The following ARHGEF25 variants were observed in gnomAD, a reference collection of about 807,000 sequenced individuals.
The protein encoded by ARHGEF25 is RAC/CDC42 exchange factor.
A neutral mutation model predicts 74.0 loss-of-function variants in ARHGEF25; 42 were observed. That is an observed-to-expected ratio of 0.57 (90% CI 0.44 to 0.73). The LOEUF is 0.73. Ranked by LOEUF, ARHGEF25 falls within the 30% of genes least tolerant of loss-of-function variation. ARHGEF25 has a pLI of 0.00. For synonymous variants in ARHGEF25, 293 were observed against 278.6 expected, an observed-to-expected ratio of 1.05 and a Z score of -0.51; for missense variants, 645 against 725.5, an observed-to-expected ratio of 0.89 and a Z score of 1.27.
Position 57,613,471 on chromosome 12 carries a change from C to G in ARHGEF25, c.440C>G (p.Pro147Arg). Residue 147 changes from proline to arginine, a missense_variant, in exon 4 of 15, where the codon CCT becomes CGT. Physicochemically the swap from Pro to Arg is moderately radical, Grantham distance 103. Transcript: ENST00000286494. Reference sequence around the variant, plus strand: ...GAAGAGGAGACTTTGTCCCAAGCCCCTGAGAGTGAGGAGGAACAGAAGAAG... The same window carrying G: ...GAAGAGGAGACTTTGTCCCAAGCCCGTGAGAGTGAGGAGGAACAGAAGAAG... Reference protein sequence around the residue: ...PPEEETLSQAPESEEEQKKKA... With the variant: ...PPEEETLSQARESEEEQKKKA... 5 of 1,614,214 alleles carry G rather than the reference C, an allele frequency of 3.1e-6. No individual in the cohort carries two copies. The highest frequency in any genetic ancestry group is 3.4e-6 in the Non-Finnish European group (4 of 1,180,044).
rs1354209303 is a variant in ARHGEF25 at position 57,616,788 on chromosome 12, T to G, written c.1637T>G (p.Leu546Arg). ...TGACTTGAATCTTTTCTTCAGGCCC[T>G]TGGTGACATCCCCCAGGCTCCCCAT... The part of the protein sequence containing the change: ...RALLPLDKQA[L>R]GDIPQAPHDS... The change falls in exon 15 of 15, where the codon CTT (leucine) becomes CGT (arginine). Residue 546 changes from leucine (L) to arginine (R), a missense_variant. Coordinates refer to ENST00000286494, the MANE Select transcript of ARHGEF25 (RefSeq NM_182947.4). 1 of 1,604,332 alleles carries G rather than the reference T, an allele frequency of 6.2e-7. No individual in the cohort carries two copies. The highest frequency in any genetic ancestry group is 1.3e-5 in the African/African-American group (1 of 74,496).
rs1044818596 is a variant in ARHGEF25, at chr12:57,611,801, G to C, written c.-94G>C. 2 of 1,146,552 alleles carry C rather than the reference G, an allele frequency of 1.7e-6. No homozygotes were observed. Among genetic ancestry groups the C allele is most frequent in the South Asian group, 4.5e-5 (1 of 22,322 alleles). 71.0% of individuals were successfully genotyped at this position (1,146,552 alleles called of 1,614,324 possible). ...CAGCCTGGACCGGGGTAGGAGGGAG[G>C]GGGGGTGTGCGCCCGGCGCCGTCCC... On this transcript the variant is annotated 5_prime_UTR_variant, in exon 1 of 15. Transcript: ENST00000286494. This position sits in a 1 kb window ranked among gnomAD's most constrained non-coding sequence, Gnocchi z 4.5.
At chr12:57,613,895 G>A (rs7305391) in intron 5 of ARHGEF25, 121 bp from the exon 6 acceptor site, 312,406 of 1,463,824 alleles carry the variant, frequency 0.21, 35,749 homozygotes, top group Non-Finnish European at 0.23. Flanking sequence ...TACTCTGGGG[G>A]CAGGGCGGCT....
upstream of ARHGEF25, chr12:57,610,801 T>G (rs1884008541): frequency 1.2e-6 from 1 of 805,316 alleles, no homozygotes; most frequent in African/African-American, 1.8e-5. Flanking sequence ...GAGACCCATT[T>G]AATCGCAGAG....
chr12:57,614,931 C>T lies in ARHGEF25; in HGVS notation c.910-36C>T, dbSNP rs374678829. On this transcript the variant is annotated intron_variant, in intron 9 of 14. Transcript: ENST00000286494. The surrounding 1 kb of genome is among the most constrained non-coding windows in gnomAD (Gnocchi z 4.6). ...ATGTGAGAGCTTCTAAGGGTGTCCT[C>T]GTGACCTCCCTGAGCATTTCTTCTC... 3.4e-5 allele frequency: 55 copies of T among 1,611,356 alleles called. No individual in the cohort carries two copies. In the African/African-American group the frequency reaches 4.4e-4, roughly 13 times the overall value.
intron 14 of ARHGEF25, 71 bp from the exon 15 acceptor site, chr12:57,616,713 T>C (rs1433499741): frequency 2.5e-6 from 3 of 1,206,952 alleles, no homozygotes; most frequent in African/African-American, 3.0e-5. Flanking sequence ...GCTAGGGACT[T>C]AAACTGAAAA....
rs116792227 is a variant in ARHGEF25, at chr12:57,614,703, G to T, written c.831G>T (p.Gln277His). Residue 277 changes from glutamine (Q) to histidine (H), a missense_variant, in exon 9 of 15, where the codon CAG becomes CAT. Transcript: ENST00000286494. The surrounding 1 kb of genome is among the most constrained non-coding windows in gnomAD (Gnocchi z 4.6). The part of the protein sequence containing the change: ...GDSYFEELRQ[Q>H]LGHRLQLNDL... The stretch of plus-strand genomic sequence containing the variant: ...CCTGTCCCCAGGAGCTCCGGCAGCA[G>T]CTGGGGCACCGCCTGCAGCTGAACG... 1 of 1,613,622 alleles carries T rather than the reference G, an allele frequency of 6.2e-7. No individual in the cohort carries two copies. Among genetic ancestry groups the T allele is most frequent in the Admixed American group, 1.7e-5 (1 of 59,978 alleles).
intron 1 of ARHGEF25, 24 bp from the exon 2 acceptor site, chr12:57,612,906 C>T: frequency 6.2e-7 from 1 of 1,607,924 alleles, no homozygotes. Flanking sequence ...GGTCTATCAC[C>T]TCCTCTCTTT....
chr12:57,616,512 T>TCCC lies in ARHGEF25; in HGVS notation c.1632+18_1632+20dup. 1 of 1,609,136 alleles carries TCCC rather than the reference T, an allele frequency of 6.2e-7. No homozygotes were observed. The highest frequency in any genetic ancestry group is 8.5e-7 in the Non-Finnish European group (1 of 1,177,370). On this transcript the variant is annotated intron_variant, in intron 14 of 14. Coordinates refer to ENST00000286494, the MANE Select transcript of ARHGEF25 (RefSeq NM_182947.4). ...GATAAACAGGTATGACGAATAGAGC[T>TCCC]CCCTCATTGTAGGGATAAAAAGGGG...
rs1594960763 is a variant in ARHGEF25 at position 57,614,483 on chromosome 12, A to C, written c.727-33A>C. On this transcript the variant is annotated intron_variant, in intron 7 of 14. Transcript: ENST00000286494. The surrounding 1 kb of genome is among the most constrained non-coding windows in gnomAD (Gnocchi z 4.6). ...GGAGATGCGTCCTCCCTCCTTGCCC[A>C]CCCTGCTCTCTCTTAAACATTACCC... The C allele has an allele frequency of 1.2e-6, 2 of 1,613,960 alleles. No individual in the cohort carries two copies. Among genetic ancestry groups the C allele is most frequent in the Non-Finnish European group, 1.7e-6 (2 of 1,179,948 alleles).
At position 57,614,496 on chromosome 12, in the gene ARHGEF25, T is replaced by A; in HGVS notation, c.727-20T>A. On this transcript the variant is annotated intron_variant, in intron 7 of 14. Coordinates refer to ENST00000286494, the MANE Select transcript of ARHGEF25 (RefSeq NM_182947.4). The surrounding 1 kb of genome is among the most constrained non-coding windows in gnomAD (Gnocchi z 4.6). ...CCCTCCTTGCCCACCCTGCTCTCTC[T>A]TAAACATTACCCCTGTTAGGAGCGC... The A allele has an allele frequency of 6.2e-7, 1 of 1,614,120 alleles. No individual in the cohort carries two copies. Among genetic ancestry groups the A allele is most frequent in the Non-Finnish European group, 8.5e-7 (1 of 1,180,024 alleles).
At position 57,615,279 on chromosome 12, in the gene ARHGEF25, G is replaced by A. The variant is rs1352758268; in HGVS notation, c.1003G>A (p.Asp335Asn). The A allele has an allele frequency of 1.6e-5, 26 of 1,609,254 alleles. No individual in the cohort carries two copies. Among genetic ancestry groups the A allele is most frequent in the Non-Finnish European group, 3.4e-6 (4 of 1,177,928 alleles). Residue 335 changes from aspartate to asparagine, a missense_variant, in exon 11 of 15, where the codon GAT (aspartate) becomes AAT (asparagine). Around this residue, in one of 3 missense-constraint regions of ARHGEF25, gnomAD observed 194 missense variants for 269.4 expected, o/e 0.72. Transcript: ENST00000286494. ...VMCFVPKRCN[D>N]MMTLGRLRGF... is the part of the protein sequence containing the mutation. ...GTGCTTTGTGCCCAAGCGCTGCAAC[G>A]ATATGATGACGCTGGGGAGATTGCG...
chr12:57,611,677 C>T lies in ARHGEF25; in HGVS notation c.-218C>T, dbSNP rs1884050203. On this transcript the variant is annotated 5_prime_UTR_variant, in exon 1 of 15. Coordinates refer to ENST00000286494, the MANE Select transcript of ARHGEF25 (RefSeq NM_182947.4). This position sits in a 1 kb window ranked among gnomAD's most constrained non-coding sequence, Gnocchi z 4.5. ...CCCCGCCCAGCCCGGCGGCCGGGCC[C>T]CGCGCCTCTCTCTCTCTAGAGCCCC... The T allele has an allele frequency of 1.8e-6, 2 of 1,133,028 alleles. No individual in the cohort carries two copies. The highest frequency in any genetic ancestry group is 4.4e-5 in the South Asian group (1 of 22,612). 70.2% of individuals were successfully genotyped at this position (1,133,028 alleles called of 1,614,324 possible).
Position 57,615,543 on chromosome 12 carries a change from GC to G in ARHGEF25, c.1072del (p.Gln358ArgfsTer41). 1.2e-6 allele frequency: 2 copies of G among 1,614,146 alleles called. No individual in the cohort carries two copies. Among genetic ancestry groups the G allele is most frequent in the Non-Finnish European group, 1.7e-6 (2 of 1,180,024 alleles). ...GKLTAQGKLL[G>X]QDTFWVTEPE... The stretch of plus-strand genomic sequence containing the variant: ...CTGACTGCTCAGGGGAAGCTCTTGG[GC>G]CAGGACACTTTCTGGGTCACCGAGC... On this transcript the variant is annotated frameshift_variant, in exon 12 of 15. Coordinates refer to ENST00000286494, the MANE Select transcript of ARHGEF25 (RefSeq NM_182947.4). LOFTEE classifies it high-confidence loss of function.
chr12:57,614,960 G>A lies in ARHGEF25; in HGVS notation c.910-7G>A, dbSNP rs1460693948. ...ACCTCCCTGAGCATTTCTTCTCTCT[G>A]TCTTAGGATTTTCTCAAGTATTACA... On this transcript the variant is annotated splice_region_variant and splice_polypyrimidine_tract_variant and intron_variant, in intron 9 of 14. Coordinates refer to ENST00000286494, the MANE Select transcript of ARHGEF25 (RefSeq NM_182947.4). The surrounding 1 kb of genome is among the most constrained non-coding windows in gnomAD (Gnocchi z 4.6). 6.2e-7 allele frequency: 1 copy of A among 1,614,024 alleles called. No individual in the cohort carries two copies. The highest frequency in any genetic ancestry group is 1.7e-5 in the Admixed American group (1 of 60,018).
intron 10 of ARHGEF25, 37 bp downstream of exon 10, chr12:57,615,054 T>C: frequency 6.2e-7 from 1 of 1,610,680 alleles, no homozygotes; most frequent in Non-Finnish European, 8.5e-7. Context: ...CACCATGTGC[T>C]CCTTATCCTC....
intron 1 of ARHGEF25, chr12:57,612,621 G>T: frequency 1.0e-6 from 1 of 958,562 alleles, no homozygotes. Flanking sequence ...GCCACCCCCA[G>T]CTTCCAATGT....
chr12:57,613,798 C>G, intron 5 of ARHGEF25, 38 bp downstream of exon 5: 1 of 1,607,270 alleles, frequency 6.2e-7, no homozygotes, highest in Non-Finnish European at 8.5e-7. Flanking sequence ...CTCCTGCCTG[C>G]TTTTCCATCT....
At chr12:57,615,468 T>C (rs1884241234) in intron 11 of ARHGEF25, 44 bp from the exon 12 acceptor site, 1 of 1,611,952 alleles carries the variant, frequency 6.2e-7, no homozygotes, top group South Asian at 1.1e-5. Context: ...AGAATTGTCC[T>C]TTTTCTTGTT....
Sources: allele counts gnomAD v4.1 joint callset, GRCh38; gene constraint gnomAD v4.1.1; regional missense constraint gnomAD v4.1.1; non-coding constraint Gnocchi (gnomAD v3.1); transcripts MANE v1.5; gene names NCBI Gene and HGNC (gene_info 2026-07-23, HGNC 2026-07-21).